HS3ST4: variants seen among roughly 807,000 people sequenced by gnomAD.
HS3ST4 encodes heparan sulfate glucosamine 3-O-sulfotransferase 4.
HS3ST4 carries 17 observed loss-of-function variants against 29.2 expected under a neutral mutation model. The ratio of observed to expected loss-of-function variants is 0.58; its 90% confidence interval spans 0.40 to 0.87. The LOEUF is 0.87. HS3ST4 is among the 40% of genes least tolerant of loss of function. The pLI is 0.00. For synonymous variants in HS3ST4, 314 were observed against 285.7 expected, an observed-to-expected ratio of 1.10 and a Z score of -1.00; for missense variants, 627 against 634.5, an observed-to-expected ratio of 0.99 and a Z score of 0.13.
At chr16:25,987,595 A>C (rs954028068) in intron 1 of HS3ST4, among the ~76,000 whole-genome samples, 1 of 152,120 alleles carries the variant, frequency 6.6e-6, no homozygotes, top group Non-Finnish European at 1.5e-5. Context: ...GGCCACATGC[A>C]TTCCTGTCTT....
chr16:26,077,844 G>A (rs1225820702), intron 1 of HS3ST4, among the ~76,000 whole-genome samples: 2 of 152,228 alleles, frequency 1.3e-5, no homozygotes, highest in East Asian at 3.9e-4. Context: ...TCTGAAGCAG[G>A]AGGATTGCTT....
intron 1 of HS3ST4, among the ~76,000 whole-genome samples, chr16:25,926,186 C>G (rs1467155364): frequency 1.3e-5 from 2 of 152,178 alleles, no homozygotes; most frequent in African/African-American, 4.8e-5. Flanking sequence ...CCTTCTCCCC[C>G]AAAAGATCTT....
chr16:26,115,138 G>A (rs1453000851), intron 1 of HS3ST4, among the ~76,000 whole-genome samples: 1 of 151,716 alleles, frequency 6.6e-6, no homozygotes, highest in Non-Finnish European at 1.5e-5. Context: ...GATAATATTT[G>A]TGTCAACATA....
intron 1 of HS3ST4, among the ~76,000 whole-genome samples, chr16:26,041,931 G>T (rs1241095937): frequency 6.6e-6 from 1 of 152,186 alleles, no homozygotes; most frequent in Admixed American, 6.5e-5. Flanking sequence ...GTCTGCTTCA[G>T]TGGGTCTGGG....
intron 1 of HS3ST4, among the ~76,000 whole-genome samples, chr16:25,957,069 C>T (rs1221197064): frequency 6.7e-6 from 1 of 149,348 alleles, no homozygotes; most frequent in Non-Finnish European, 1.5e-5. Context: ...GAGGCTACTA[C>T]AATATTTCAG....
intron 1 of HS3ST4, among the ~76,000 whole-genome samples, chr16:25,705,034 A>G (rs1011023099): frequency 1.3e-5 from 2 of 152,008 alleles, no homozygotes; most frequent in Non-Finnish European, 2.9e-5. Context: ...GTGCCTTCCT[A>G]CTATTCCTGG....
chr16:25,940,153 T>C (rs1031799336), intron 1 of HS3ST4, among the ~76,000 whole-genome samples: 1 of 152,090 alleles, frequency 6.6e-6, no homozygotes, highest in Non-Finnish European at 1.5e-5. Flanking sequence ...CATCAGAGCC[T>C]GAACATAATT....
At chr16:25,988,011 C>T (rs1454755869) in intron 1 of HS3ST4, among the ~76,000 whole-genome samples, 1 of 152,102 alleles carries the variant, frequency 6.6e-6, no homozygotes, top group Non-Finnish European at 1.5e-5. Context: ...CCTTGTGATC[C>T]ACCCGCCTCA....
At chr16:25,864,239 C>A (rs6650566) in intron 1 of HS3ST4, among the ~76,000 whole-genome samples, 1 of 152,092 alleles carries the variant, frequency 6.6e-6, no homozygotes, top group Non-Finnish European at 1.5e-5. Context: ...TCTTGATATG[C>A]GTATGCAATG....
At chr16:25,807,064 C>A (rs749929246) in intron 1 of HS3ST4, among the ~76,000 whole-genome samples, 10 of 152,166 alleles carry the variant, frequency 6.6e-5, no homozygotes, top group Non-Finnish European at 1.0e-4. Context: ...CCTCGACTTC[C>A]CAGGTACAAG....
chr16:25,734,203 G>A (rs1966591087), intron 1 of HS3ST4, among the ~76,000 whole-genome samples: 1 of 152,136 alleles, frequency 6.6e-6, no homozygotes, highest in African/African-American at 2.4e-5. Context: ...GTGCAATATG[G>A]GTTCAGTTTT....
At chr16:25,839,940 G>A (rs918609414) in intron 1 of HS3ST4, among the ~76,000 whole-genome samples, 4 of 152,226 alleles carry the variant, frequency 2.6e-5, no homozygotes, top group African/African-American at 9.6e-5. Context: ...AAGGAAGAAA[G>A]TATAGGCCGA....
intron 1 of HS3ST4, among the ~76,000 whole-genome samples, chr16:25,728,501 C>A (rs76354745): frequency 1.3e-5 from 2 of 152,150 alleles, no homozygotes; most frequent in East Asian, 1.9e-4. Flanking sequence ...CCTAGCCTGA[C>A]GGCAGACCCT....
intron 1 of HS3ST4, among the ~76,000 whole-genome samples, chr16:25,731,682 G>T (rs191042405): frequency 6.6e-6 from 1 of 152,148 alleles, no homozygotes; most frequent in South Asian, 2.1e-4. Context: ...CAAGGGTTCA[G>T]AGATTATCTC....
chr16:25,954,743 T>C (rs531672243), intron 1 of HS3ST4, among the ~76,000 whole-genome samples: 14 of 152,236 alleles, frequency 9.2e-5, no homozygotes, highest in African/African-American at 2.6e-4. Context: ...CTTTGGAGCA[T>C]TTTGGAGTTC....
chr16:25,954,386 A>G (rs1296446036), intron 1 of HS3ST4, among the ~76,000 whole-genome samples: 1 of 152,218 alleles, frequency 6.6e-6, no homozygotes, highest in East Asian at 1.9e-4. Flanking sequence ...AAGCTTTACA[A>G]CAGAAGAGAC....
intron 1 of HS3ST4, among the ~76,000 whole-genome samples, chr16:25,917,688 C>T (rs150739826): frequency 5.9e-5 from 9 of 152,254 alleles, no homozygotes; most frequent in African/African-American, 1.7e-4. Flanking sequence ...ACAGACAAGT[C>T]GCATGCCTCT....
At chr16:25,711,059 G>A (rs1333543496) in intron 1 of HS3ST4, among the ~76,000 whole-genome samples, 1 of 151,916 alleles carries the variant, frequency 6.6e-6, no homozygotes. Context: ...CTGGCCTCAA[G>A]CGATCTTCTT....
At chr16:25,914,668 TTGTGTGCTTC>T (rs1172311577) in intron 1 of HS3ST4, among the ~76,000 whole-genome samples, 1 of 151,492 alleles carries the variant, frequency 6.6e-6, no homozygotes, top group African/African-American at 2.4e-5. Context: ...TGTGTGGACT[TTGTGTGCTTC>T]TGTGTGTGAA....
Sources: gnomAD v4.1 joint callset for allele counts (sites outside exome capture counted in the v4.1 genomes callset) on GRCh38, gnomAD v4.1.1 for gene constraint, MANE v1.5 for transcripts, NCBI Gene and HGNC (gene_info 2026-07-23, HGNC 2026-07-21) for gene names.